The following CASZ1 variants were observed in gnomAD, a reference collection of about 807,000 sequenced individuals.
The protein encoded by CASZ1 is castor zinc finger 1, also known as zinc finger protein castor homolog 1.
In CASZ1, 28 loss-of-function variants were observed where a neutral mutation model predicts 135.2. The observed-to-expected ratio is 0.21, with a 90% CI of 0.15 to 0.28. CASZ1 has a LOEUF of 0.28. Among genes scored for constraint, CASZ1 ranks in the 10% least tolerant of loss-of-function variants. CASZ1 has a pLI of 1.00. For missense variants in CASZ1, 2,161 were observed against 2,453.3 expected, an observed-to-expected ratio of 0.88 and a Z score of 2.52; for synonymous variants, 1,068 against 1,073.4, an observed-to-expected ratio of 0.99 and a Z score of 0.10.
Position 10,718,511 on chromosome 1 carries a change from G to A in CASZ1, c.-76-12967C>T, listed in dbSNP as rs79774324. ...TCCACCTGCTCCCCAAGGAGGGCAC[G>A]CCAGGCTCCTTCTCCAAGAACCCCA... On this transcript the variant is annotated intron_variant, in intron 2 of 20. Coordinates refer to ENST00000377022, the MANE Select transcript of CASZ1 (RefSeq NM_001079843.3). Among the ~76,000 whole-genome samples, 1,075 of 152,306 alleles carry A rather than the reference G, an allele frequency of 7.1e-3. 44 individuals are homozygous for A. The East Asian group carries it at 0.11, about 15-fold the overall frequency.
intron 2 of CASZ1, among the ~76,000 whole-genome samples, chr1:10,750,077 CA>C (rs1640122753): frequency 6.6e-6 from 1 of 152,088 alleles, no homozygotes; most frequent in African/African-American, 2.4e-5. Flanking sequence ...GACGAACTGG[CA>C]GGGGCCCGGG....
At position 10,758,328 on chromosome 1, in the gene CASZ1, C is replaced by CTT. The variant is rs756390835; in HGVS notation, c.-77+2371_-77+2372dup. Among the ~76,000 whole-genome samples the CTT allele has an allele frequency of 2.3e-3, 312 of 134,354 alleles. 4 individuals carry two copies. The highest frequency in any genetic ancestry group is 7.6e-3 in the African/African-American group (263 of 34,658). The allele number at this position is 134,354 out of a possible 152,430, so 88.1% of individuals were successfully genotyped here. A position where few individuals can be genotyped will look rare whatever the true frequency, so the allele number is the denominator to read the frequency against. ...ACGCCAGACCCTCTTCTCTCTCTCT[C>CTT]TTTTTTTTTTTTTTTTTTTTTGAGA... On this transcript the variant is annotated intron_variant, in intron 2 of 20. Coordinates refer to ENST00000377022, the MANE Select transcript of CASZ1 (RefSeq NM_001079843.3).
chr1:10,782,172 A>C (rs1198463590), intron 1 of CASZ1, among the ~76,000 whole-genome samples: 1 of 152,224 alleles, frequency 6.6e-6, no homozygotes, highest in Non-Finnish European at 1.5e-5. Context: ...GAGGAGCACG[A>C]CTGGAGGGGT....
intron 1 of CASZ1, among the ~76,000 whole-genome samples, chr1:10,771,579 G>T (rs1008444225): frequency 6.6e-6 from 1 of 152,048 alleles, no homozygotes; most frequent in Non-Finnish European, 1.5e-5. Flanking sequence ...GCGACTTATT[G>T]TAAACGTAGA....
At chr1:10,713,193 A>G (rs1228733602) in intron 2 of CASZ1, among the ~76,000 whole-genome samples, 1 of 152,218 alleles carries the variant, frequency 6.6e-6, no homozygotes, top group Non-Finnish European at 1.5e-5. Flanking sequence ...AGCAGATGCA[A>G]TATTAACAGC....
Position 10,637,267 on chromosome 1 carries a change from CCA to C in CASZ1, c.*1673_*1674del, listed in dbSNP as rs1334105592. On this transcript the variant is annotated 3_prime_UTR_variant, in exon 21 of 21. Transcript: ENST00000377022. ...AGATGCTCACAGCAGCACGTGGTGCCCACAGAGTTCAGGAGGCTCTGGTAGGG... is the reference window on the plus strand; with the variant it reads ...AGATGCTCACAGCAGCACGTGGTGCCCAGAGTTCAGGAGGCTCTGGTAGGG... 6.6e-6 allele frequency: 1 copy of C among 152,348 alleles called. No individual in the cohort carries two copies. Among genetic ancestry groups the C allele is most frequent in the Non-Finnish European group, 1.5e-5 (1 of 68,010 alleles). The allele number at this position is 152,348 out of a possible 1,614,324, so 9.4% of individuals were successfully genotyped here.
At chr1:10,684,451 G>A (rs1411746552) in intron 4 of CASZ1, among the ~76,000 whole-genome samples, 4 of 152,310 alleles carry the variant, frequency 2.6e-5, no homozygotes, top group Non-Finnish European at 5.9e-5. Context: ...GCGCAAGGGG[G>A]TTTAAGTGGA....
At chr1:10,667,028 A>G (rs1402402933) in intron 4 of CASZ1, among the ~76,000 whole-genome samples, 1 of 152,192 alleles carries the variant, frequency 6.6e-6, no homozygotes, top group African/African-American at 2.4e-5. Flanking sequence ...GGGAAGGCTG[A>G]GGGCAGGGCC....
chr1:10,639,739 A>G lies in CASZ1; in HGVS notation c.4483T>C (p.Phe1495Leu). Residue 1495 changes from phenylalanine (F) to leucine (L), a missense_variant, in exon 21 of 21, where the codon TTC becomes CTC. Physicochemically the swap from Phe to Leu is conservative, Grantham distance 22 (BLOSUM62 0). This residue lies in a region of CASZ1 where 240 missense variants were observed against 321.4 expected (regional missense o/e 0.75). Coordinates refer to ENST00000377022, the MANE Select transcript of CASZ1 (RefSeq NM_001079843.3). The surrounding 1 kb of genome is among the most constrained non-coding windows in gnomAD (Gnocchi z 4.0). ...DNLVLDDFKR[F>L]KASLSCHFAD... ...AAGTGGCAGCTGAGTGAGGCCTTGA[A>G]GCGCTTGAAGTCGTCCAGCACCAGG... The G allele has an allele frequency of 6.3e-7, 1 of 1,593,640 alleles. No homozygotes were observed. The highest frequency in any genetic ancestry group is 1.1e-5 in the South Asian group (1 of 88,496).
At position 10,646,776 on chromosome 1, in the gene CASZ1, G is replaced by A. The variant is rs1490297903; in HGVS notation, c.3498-450C>T. Among the ~76,000 whole-genome samples, 3 of 152,326 alleles carry A rather than the reference G, an allele frequency of 2.0e-5. No homozygotes were observed. The highest frequency in any genetic ancestry group is 3.9e-4 in the East Asian group (2 of 5,186). On this transcript the variant is annotated intron_variant, in intron 16 of 20. Transcript: ENST00000377022. This position sits in a 1 kb window ranked among gnomAD's most constrained non-coding sequence, Gnocchi z 6.4. The stretch of plus-strand genomic sequence containing the variant: ...TGGGTGCTCGGCCCCACCAGGAAGC[G>A]CTGCTGCCACAGGCCCTTAGCAAGC...
rs1189855121 is a variant in CASZ1, at chr1:10,756,499, G to C, written c.-77+4202C>G. On this transcript the variant is annotated intron_variant, in intron 2 of 20. Coordinates refer to ENST00000377022, the MANE Select transcript of CASZ1 (RefSeq NM_001079843.3). This position sits in a 1 kb window ranked among gnomAD's most constrained non-coding sequence, Gnocchi z 5.9. The stretch of plus-strand genomic sequence containing the variant: ...CGCTCGCCAACCAGGCCTCTGGCTT[G>C]CTCCAGGGCTACAGGGCAGTGCCCA... Among the ~76,000 whole-genome samples, 1 of 152,246 alleles carries C rather than the reference G, an allele frequency of 6.6e-6. No individual in the cohort carries two copies. Among genetic ancestry groups the C allele is most frequent in the Non-Finnish European group, 1.5e-5 (1 of 68,036 alleles).
chr1:10,689,138 A>T (rs1338725342), intron 4 of CASZ1, among the ~76,000 whole-genome samples: 3 of 151,904 alleles, frequency 2.0e-5, no homozygotes, highest in Non-Finnish European at 4.4e-5. Flanking sequence ...GCCCTGGAAA[A>T]GTGTTGGGCC....
intron 1 of CASZ1, among the ~76,000 whole-genome samples, chr1:10,770,961 C>T (rs541885183): frequency 2.0e-5 from 3 of 152,236 alleles, no homozygotes; most frequent in East Asian, 3.9e-4. Flanking sequence ...CAAGGAGAGA[C>T]GTGCTTTTCC....
chr1:10,683,429 C>T (rs1452694574), intron 4 of CASZ1, among the ~76,000 whole-genome samples: 1 of 152,182 alleles, frequency 6.6e-6, no homozygotes, highest in African/African-American at 2.4e-5. Context: ...GTTCCCAAGG[C>T]AGCCCCATCA....
Position 10,707,825 on chromosome 1 carries a change from A to G in CASZ1, c.-76-2281T>C, listed in dbSNP as rs1175739921. On this transcript the variant is annotated intron_variant, in intron 2 of 20. Coordinates refer to ENST00000377022, the MANE Select transcript of CASZ1 (RefSeq NM_001079843.3). The surrounding 1 kb of genome is among the most constrained non-coding windows in gnomAD (Gnocchi z 5.0). ...GCCCATATGAGTGAGTGGCCAGCAC[A>G]TCTGGGACCTGGTAGCTGACGTAGT... is the stretch of plus-strand genomic sequence containing the variant. Among the ~76,000 whole-genome samples, 3 of 152,132 alleles carry G rather than the reference A, an allele frequency of 2.0e-5. No homozygotes were observed. Among genetic ancestry groups the G allele is most frequent in the Admixed American group, 2.0e-4 (3 of 15,276 alleles).
intron 1 of CASZ1, among the ~76,000 whole-genome samples, chr1:10,761,845 G>T (rs978365656): frequency 1.3e-5 from 2 of 152,184 alleles, no homozygotes; most frequent in Admixed American, 6.5e-5. Flanking sequence ...GAACCCAGAG[G>T]GGGTGCTCGG....
rs554758182 is a variant in CASZ1 at position 10,766,229 on chromosome 1, T to C, written c.-233-5372A>G. On this transcript the variant is annotated intron_variant, in intron 1 of 20. Coordinates refer to ENST00000377022, the MANE Select transcript of CASZ1 (RefSeq NM_001079843.3). ...GCACACACACACACACACACACACA[T>C]ATATGCCACTCCGCCAGATCACTGG... Among the ~76,000 whole-genome samples, 66 of 149,450 alleles carry C rather than the reference T, an allele frequency of 4.4e-4. No homozygotes were observed. In the South Asian group the frequency reaches 6.3e-3, roughly 14 times the overall value.
chr1:10,702,427 C>T (rs1639080611), intron 3 of CASZ1, among the ~76,000 whole-genome samples: 1 of 152,194 alleles, frequency 6.6e-6, no homozygotes, highest in African/African-American at 2.4e-5. Flanking sequence ...CCAAAGCCTC[C>T]TGGGCTAGTG....
At position 10,644,974 on chromosome 1, in the gene CASZ1, G is replaced by T; in HGVS notation, c.3811C>A (p.Arg1271=). 1 of 1,613,964 alleles carries T rather than the reference G, an allele frequency of 6.2e-7. No individual in the cohort carries two copies. Among genetic ancestry groups the T allele is most frequent in the Non-Finnish European group, 8.5e-7 (1 of 1,180,008 alleles). Residue 1271 remains arginine, a synonymous_variant, in exon 18 of 21, where the codon CGG becomes AGG. Transcript: ENST00000377022. ...WHIKKHEKAE[R]RAANGFKYFT... is the part of the protein sequence containing the mutation. ...TATTTGAAGCCATTGGCTGCCCGCC[G>T]CTCCGCCTTCTCATGCTTCTTGATG...
Sources: gnomAD v4.1 joint callset for allele counts (sites outside exome capture counted in the v4.1 genomes callset) on GRCh38, gnomAD v4.1.1 for gene constraint, gnomAD v4.1.1 regional missense constraint, Gnocchi (gnomAD v3.1) non-coding constraint, MANE v1.5 for transcripts, NCBI Gene and HGNC (gene_info 2026-07-23, HGNC 2026-07-21) for gene names.